The following KLF12 variants were observed in gnomAD, a reference collection of about 807,000 sequenced individuals.
KLF12 encodes the protein KLF transcription factor 12.
In KLF12, 9 loss-of-function variants were observed where a neutral mutation model predicts 37.8. The observed-to-expected ratio is 0.24, with a 90% CI of 0.14 to 0.42. KLF12 has a LOEUF of 0.42. Ranked by LOEUF, KLF12 falls within the 10% of genes least tolerant of loss-of-function variation. The probability of loss-of-function intolerance (pLI) is 1.00; values close to 1 mark genes in which losing one functional copy is unlikely to be tolerated. For synonymous variants in KLF12, 208 were observed against 202.1 expected, an observed-to-expected ratio of 1.03 and a Z score of -0.25; for missense variants, 411 against 516.0, an observed-to-expected ratio of 0.80 and a Z score of 1.97.
intron 4 of KLF12, among the ~76,000 whole-genome samples, chr13:73,817,324 A>AAAAAAAAAAAAAAAAAAG (rs1184659945): frequency 3.1e-5 from 3 of 97,776 alleles, no homozygotes; most frequent in African/African-American, 9.3e-5. Context: ...GTTTCAAAAA[A>AAAAAAAAAAAAAAAAAAG]AAAAGAAAAG....
the KLF12 span, among the ~76,000 whole-genome samples, chr13:74,265,302 T>C: frequency 5.9e-5 from 9 of 152,256 alleles, no homozygotes; most frequent in Admixed American, 5.9e-4. Flanking sequence ...CCAGAGGCCA[T>C]TTATTCGTGC....
chr13:74,067,807 T>C (rs1009090268), intron 1 of KLF12, among the ~76,000 whole-genome samples: 3 of 152,216 alleles, frequency 2.0e-5, no homozygotes, highest in African/African-American at 7.2e-5. Context: ...AATGGTCTTA[T>C]TTAACATTTT....
intron 1 of KLF12, among the ~76,000 whole-genome samples, chr13:74,112,965 C>T (rs71433104): frequency 0.019 from 2,960 of 152,202 alleles, 50 homozygotes; most frequent in Middle Eastern, 0.034. Context: ...AATAAGAAAA[C>T]GAAACAGCTT....
chr13:74,155,871 A>G, the KLF12 span, among the ~76,000 whole-genome samples: 2 of 152,098 alleles, frequency 1.3e-5, no homozygotes, highest in South Asian at 2.1e-4. Context: ...TTTCAGCCCA[A>G]GTGATTTCTT....
intron 7 of KLF12, among the ~76,000 whole-genome samples, chr13:73,704,044 C>T (rs112637599): frequency 3.3e-5 from 5 of 152,182 alleles, no homozygotes; most frequent in East Asian, 1.9e-4. Context: ...TTCATTTCTA[C>T]GTAGTGACCT....
chr13:73,870,980 C>CA, intron 3 of KLF12, among the ~76,000 whole-genome samples: 5 of 152,238 alleles, frequency 3.3e-5, no homozygotes, highest in Admixed American at 3.3e-4. Context: ...TAAATAAGTA[C>CA]AAAGTATGAG....
intron 2 of KLF12, chr13:73,962,119 C>A (rs1891039919): frequency 1.7e-5 from 7 of 409,592 alleles, no homozygotes; most frequent in East Asian, 7.8e-5. Flanking sequence ...TACATCCAGA[C>A]AATGGAATAT....
At chr13:73,972,722 CA>C (rs1891383324) in intron 2 of KLF12, among the ~76,000 whole-genome samples, 1 of 150,338 alleles carries the variant, frequency 6.7e-6, no homozygotes, top group African/African-American at 2.5e-5. Flanking sequence ...AATCTTGCCC[CA>C]GCGTGACCCA....
At chr13:74,181,499 G>T in the KLF12 span, among the ~76,000 whole-genome samples, 3 of 151,000 alleles carry the variant, frequency 2.0e-5, no homozygotes, top group Non-Finnish European at 4.4e-5. Flanking sequence ...GGCCAATAGG[G>T]TGAAACCCTG....
rs1279559733 is a variant in KLF12, at chr13:74,082,165, A to AAAAAAATAAAAAAAAAAAAAT, written c.-32+51573_-32+51574insATTTTTTTTTTTTTATTTTTT. 5.8e-4 allele frequency among the ~76,000 whole-genome samples: 85 copies of AAAAAAATAAAAAAAAAAAAAT among 146,590 alleles called. 1 individual carries two copies. Among genetic ancestry groups the AAAAAAATAAAAAAAAAAAAAT allele is most frequent in the African/African-American group, 2.1e-3 (85 of 39,970 alleles). ...CAACATAGCAAGACCCTGTCTCTTAAAAAAAAAAAAAAACAAAGTTAGCCA... is the reference window on the plus strand; with the variant it reads ...CAACATAGCAAGACCCTGTCTCTTAAAAAAAATAAAAAAAAAAAAATAAAAAAAAAAAAACAAAGTTAGCCA... On this transcript the variant is annotated intron_variant, in intron 1 of 7. Transcript: ENST00000377669.
intron 5 of KLF12, among the ~76,000 whole-genome samples, chr13:73,807,348 A>T (rs1043667121): frequency 1.3e-5 from 2 of 152,060 alleles, no homozygotes; most frequent in Non-Finnish European, 2.9e-5. Context: ...TAGCAATAAG[A>T]GAAGTCTGAG....
the KLF12 span, among the ~76,000 whole-genome samples, chr13:74,303,191 C>T: frequency 6.6e-6 from 1 of 152,122 alleles, no homozygotes; most frequent in African/African-American, 2.4e-5. Context: ...TTAAGGAGAA[C>T]TGAAAGCTCT....
At chr13:73,934,745 G>A (rs76976492) in intron 3 of KLF12, among the ~76,000 whole-genome samples, 12,094 of 151,936 alleles carry the variant, frequency 0.08, 657 homozygotes, top group Non-Finnish European at 0.12. Context: ...GGATTTGTGA[G>A]TTTATAGTTT....
intron 7 of KLF12, among the ~76,000 whole-genome samples, chr13:73,698,790 GA>G (rs1340561623): frequency 2.6e-5 from 4 of 152,098 alleles, no homozygotes; most frequent in African/African-American, 9.7e-5. Flanking sequence ...GTCTTCTATG[GA>G]AGGGGTTTGC....
chr13:73,974,627 A>G (rs2138133005), intron 2 of KLF12, among the ~76,000 whole-genome samples: 1 of 152,346 alleles, frequency 6.6e-6, no homozygotes, highest in South Asian at 2.1e-4. Context: ...CAAAAGGATT[A>G]CTTTGACACT....
the KLF12 span, among the ~76,000 whole-genome samples, chr13:74,275,862 CTTTCTATCTTTCTTTCTTCTTTCT>C: frequency 1.9e-5 from 2 of 104,648 alleles, no homozygotes; most frequent in Admixed American, 1.1e-4. Context: ...TTCTTTCTTT[CTTTCTATCTTTCTTTCTTCTTTCT>C]TTCTTTCTTT....
the KLF12 span, among the ~76,000 whole-genome samples, chr13:74,180,966 T>C: frequency 6.6e-6 from 1 of 152,180 alleles, no homozygotes; most frequent in Non-Finnish European, 1.5e-5. Context: ...TTTCAGGTCC[T>C]TTGATTATAT....
At chr13:74,172,684 G>A in the KLF12 span, among the ~76,000 whole-genome samples, 3 of 152,132 alleles carry the variant, frequency 2.0e-5, no homozygotes, top group African/African-American at 7.2e-5. Context: ...ATTTCCCTTT[G>A]TGTTTCATTG....
chr13:73,824,528 T>C (rs574951453), intron 4 of KLF12, among the ~76,000 whole-genome samples: 39 of 152,300 alleles, frequency 2.6e-4, no homozygotes, highest in African/African-American at 8.4e-4. Flanking sequence ...GTGAATGCTG[T>C]CACTATTCAA....
Sources: allele counts gnomAD v4.1 joint callset (sites outside exome capture counted in the v4.1 genomes callset), GRCh38; gene constraint gnomAD v4.1.1; transcripts MANE v1.5; gene names NCBI Gene and HGNC (gene_info 2026-07-23, HGNC 2026-07-21).